Variants in TAFA5 observed in about 807,000 individuals in gnomAD.
The protein encoded by TAFA5 is chemokine-like protein TAFA-5.
Under a neutral mutation model 15.3 loss-of-function variants are expected in TAFA5, and 6 were observed. That is an observed-to-expected ratio of 0.39 (90% CI 0.21 to 0.77). The LOEUF is 0.77. TAFA5 is among the 30% of genes least tolerant of loss of function. The pLI, the probability that TAFA5 is intolerant of heterozygous loss-of-function variation, is 0.41. For missense variants in TAFA5, 161 were observed against 193.1 expected (o/e 0.83, Z 0.98); for synonymous variants, 103 against 80.7 (o/e 1.28, Z -1.48).
intron 1 of TAFA5, among the ~76,000 whole-genome samples, chr22:48,622,544 G>C (rs530367251): frequency 1.4e-4 from 21 of 152,316 alleles, no homozygotes; most frequent in Non-Finnish European, 2.5e-4. Flanking sequence ...GGAGGAAGAG[G>C]GGCTGGAGCA....
At chr22:48,599,658 C>T (rs1054258927) in intron 1 of TAFA5, among the ~76,000 whole-genome samples, 1 of 152,366 alleles carries the variant, frequency 6.6e-6, no homozygotes, top group Middle Eastern at 3.4e-3. Context: ...TTCACAGGCC[C>T]TGCCTCCTGG....
chr22:48,608,999 TAC>T, intron 1 of TAFA5, among the ~76,000 whole-genome samples: 1 of 152,198 alleles, frequency 6.6e-6, no homozygotes, highest in Non-Finnish European at 1.5e-5. Context: ...TGCTTATTCT[TAC>T]ACGTCAAGTG....
chr22:48,697,905 T>G (rs1170163294), intron 2 of TAFA5, among the ~76,000 whole-genome samples: 3 of 126,776 alleles, frequency 2.4e-5, no homozygotes, highest in Non-Finnish European at 3.4e-5. Flanking sequence ...ATGGTGGTGA[T>G]GACAATATGA....
At chr22:48,664,950 A>G (rs2147217117) in intron 2 of TAFA5, among the ~76,000 whole-genome samples, 1 of 152,328 alleles carries the variant, frequency 6.6e-6, no homozygotes, top group African/African-American at 2.4e-5. Flanking sequence ...TATCTCCAGC[A>G]TTCGCCTTGG....
chr22:48,605,961 G>T (rs759682163), intron 1 of TAFA5, among the ~76,000 whole-genome samples: 1 of 152,194 alleles, frequency 6.6e-6, no homozygotes, highest in Non-Finnish European at 1.5e-5. Flanking sequence ...CCCATGGGGT[G>T]GACCCCCAGC....
intron 1 of TAFA5, among the ~76,000 whole-genome samples, chr22:48,639,262 C>T (rs1450828634): frequency 6.6e-6 from 1 of 152,228 alleles, no homozygotes; most frequent in Admixed American, 6.5e-5. Flanking sequence ...TGTGGGTCAC[C>T]TCGGGCCGCC....
At chr22:48,627,591 A>C (rs904689012) in intron 1 of TAFA5, among the ~76,000 whole-genome samples, 5 of 152,200 alleles carry the variant, frequency 3.3e-5, no homozygotes, top group Non-Finnish European at 7.4e-5. Flanking sequence ...CAGCTTTCTT[A>C]ATGGGGGCGA....
intron 1 of TAFA5, among the ~76,000 whole-genome samples, chr22:48,525,072 C>G (rs1226637271): frequency 6.6e-6 from 1 of 152,186 alleles, no homozygotes; most frequent in Non-Finnish European, 1.5e-5. Flanking sequence ...TCCTGCCTCC[C>G]CTCAACTTAC....
intron 1 of TAFA5, among the ~76,000 whole-genome samples, chr22:48,501,163 C>T (rs1203860006): frequency 6.6e-6 from 1 of 152,200 alleles, no homozygotes; most frequent in Non-Finnish European, 1.5e-5. Context: ...GAGCCCCTCC[C>T]TCCGCGCTGC....
chr22:48,608,929 G>A (rs527484830), intron 1 of TAFA5, among the ~76,000 whole-genome samples: 1 of 152,356 alleles, frequency 6.6e-6, no homozygotes, highest in South Asian at 2.1e-4. Context: ...TTTGCTGTCC[G>A]CAGTATCTGA....
At position 48,588,261 on chromosome 22, in the gene TAFA5, T is replaced by C. The variant is rs1284751783; in HGVS notation, c.113-58336T>C. On this transcript the variant is annotated intron_variant, in intron 1 of 3. Transcript: ENST00000402357. Reference sequence around the variant, plus strand: ...GCAGTGACTGCTCTTCACTGTCACCTCCTTTGCTCCTCAGGCCACCTGCGC... The same window carrying C: ...GCAGTGACTGCTCTTCACTGTCACCCCCTTTGCTCCTCAGGCCACCTGCGC... 3.9e-5 allele frequency among the ~76,000 whole-genome samples: 6 copies of C among 152,280 alleles called. No homozygotes were observed. The East Asian group carries it at 1.2e-3, about 29-fold the overall frequency.
Position 48,542,536 on chromosome 22 carries a change from GGT to G in TAFA5, c.112+52842_112+52843del, listed in dbSNP as rs1285501219. ...ATGTGTGTGTGCATGTGTGGTGTGT[GGT>G]GTGTGTGTGATGTGTATGTGTGTGT... On this transcript the variant is annotated intron_variant, in intron 1 of 3. Transcript: ENST00000402357. Among the ~76,000 whole-genome samples, 360 of 110,870 alleles carry G rather than the reference GGT, an allele frequency of 3.2e-3. 5 individuals are homozygous for G. Among genetic ancestry groups the G allele is most frequent in the African/African-American group, 0.012 (323 of 27,332 alleles). The allele number at this position is 110,870 out of a possible 152,430, so 72.7% of individuals were successfully genotyped here.
chr22:48,720,356 T>G (rs1929533004), intron 3 of TAFA5, among the ~76,000 whole-genome samples: 2 of 152,108 alleles, frequency 1.3e-5, no homozygotes, highest in Admixed American at 1.3e-4. Flanking sequence ...GAGACTGGAA[T>G]GCAGAGATGA....
chr22:48,502,180 AC>A (rs1373261756), intron 1 of TAFA5, among the ~76,000 whole-genome samples: 1 of 152,140 alleles, frequency 6.6e-6, no homozygotes, highest in Admixed American at 6.5e-5. Flanking sequence ...CCATTGGATA[AC>A]AAGAAGACTG....
At chr22:48,704,344 T>C (rs1929012556) in intron 2 of TAFA5, among the ~76,000 whole-genome samples, 2 of 152,124 alleles carry the variant, frequency 1.3e-5, no homozygotes, top group African/African-American at 4.8e-5. Context: ...TTTGTGGGTG[T>C]CTGAGATTTT....
At chr22:48,727,752 A>G (rs1232255698) in intron 3 of TAFA5, among the ~76,000 whole-genome samples, 1 of 152,230 alleles carries the variant, frequency 6.6e-6, no homozygotes, top group Non-Finnish European at 1.5e-5. Context: ...AAATAAAGAT[A>G]AATCAGGCAA....
intron 3 of TAFA5, among the ~76,000 whole-genome samples, chr22:48,736,445 G>A (rs8137399): frequency 0.17 from 208 of 1,192 alleles, 31 homozygotes; most frequent in Middle Eastern, 0.33. Context: ...GCACTCCTAG[G>A]GTCCATCCCC....
At chr22:48,653,445 A>G (rs775278556) in intron 2 of TAFA5, among the ~76,000 whole-genome samples, 24 of 152,270 alleles carry the variant, frequency 1.6e-4, no homozygotes, top group Middle Eastern at 3.4e-3. Context: ...TGGAGCCACA[A>G]CTCACAGTGC....
At chr22:48,705,067 A>C (rs1175324941) in intron 2 of TAFA5, among the ~76,000 whole-genome samples, 1 of 152,022 alleles carries the variant, frequency 6.6e-6, no homozygotes, top group Non-Finnish European at 1.5e-5. Flanking sequence ...TCAGGGCCCC[A>C]CACTCATGGC....
Sources: allele counts gnomAD v4.1 joint callset (sites outside exome capture counted in the v4.1 genomes callset), GRCh38; gene constraint gnomAD v4.1.1; transcripts MANE v1.5; gene names NCBI Gene and HGNC (gene_info 2026-07-23, HGNC 2026-07-21).